The following GCNT2 variants were observed in gnomAD, a reference collection of about 807,000 sequenced individuals.
The protein encoded by GCNT2 is N-acetyllactosaminide beta-1,6-N-acetylglucosaminyl-transferase.
GCNT2 carries 34 observed loss-of-function variants against 34.2 expected under a neutral mutation model. That is an observed-to-expected ratio of 1.00 (90% CI 0.76 to 1.32). GCNT2 has a LOEUF of 1.32. Among genes scored for constraint, GCNT2 ranks in the 40% most tolerant of loss-of-function variants. The pLI is 0.00. For missense variants in GCNT2, 584 were observed against 489.4 expected (o/e 1.19, Z -1.82); for synonymous variants, 212 against 188.0 (o/e 1.13, Z -1.04).
chr6:10,582,406 AG>A (rs1187829158), intron 3 of GCNT2, among the ~76,000 whole-genome samples: 6 of 124,014 alleles, frequency 4.8e-5, no homozygotes, highest in African/African-American at 1.9e-4. Context: ...TATAATAAAT[AG>A]TATAATATTT....
At chr6:10,590,218 T>G (rs1764570529) in intron 3 of GCNT2, among the ~76,000 whole-genome samples, 1 of 152,040 alleles carries the variant, frequency 6.6e-6, no homozygotes, top group African/African-American at 2.4e-5. Flanking sequence ...GGCAACATAG[T>G]GAGATCCCTG....
At chr6:10,541,573 G>A (rs1762038364) in intron 3 of GCNT2, among the ~76,000 whole-genome samples, 2 of 152,122 alleles carry the variant, frequency 1.3e-5, no homozygotes, top group Non-Finnish European at 2.9e-5. Context: ...GTCTAGAAAA[G>A]TAAAATCATT....
chr6:10,538,619 C>T (rs1483391261), intron 3 of GCNT2, among the ~76,000 whole-genome samples: 1 of 151,386 alleles, frequency 6.6e-6, no homozygotes, highest in Non-Finnish European at 1.5e-5. Flanking sequence ...CAACTGAGGA[C>T]TGCTAATGAT....
chr6:10,546,183 C>G (rs1762255837), intron 3 of GCNT2, among the ~76,000 whole-genome samples: 1 of 152,130 alleles, frequency 6.6e-6, no homozygotes, highest in African/African-American at 2.4e-5. Context: ...AGGCAAAACC[C>G]AGGACAGTTG....
chr6:10,562,940 C>T (rs1424659666), intron 3 of GCNT2, among the ~76,000 whole-genome samples: 1 of 152,080 alleles, frequency 6.6e-6, no homozygotes, highest in Non-Finnish European at 1.5e-5. Context: ...GGGTGGATCA[C>T]CAGAAGTCGG....
At chr6:10,594,551 T>A (rs559696007) in intron 3 of GCNT2, among the ~76,000 whole-genome samples, 1 of 152,322 alleles carries the variant, frequency 6.6e-6, no homozygotes, top group East Asian at 1.9e-4. Context: ...GTAGTCACAA[T>A]AATGATGGCT....
chr6:10,600,016 A>C (rs1324764594), intron 3 of GCNT2, among the ~76,000 whole-genome samples: 2 of 152,196 alleles, frequency 1.3e-5, no homozygotes, highest in African/African-American at 4.8e-5. Context: ...AAAGTGGAGA[A>C]ACCAGGCACA....
chr6:10,526,985 AAGTT>A (rs1761222465), intron 1 of GCNT2, among the ~76,000 whole-genome samples: 1 of 152,186 alleles, frequency 6.6e-6, no homozygotes, highest in Non-Finnish European at 1.5e-5. Flanking sequence ...CATTTAATAA[AAGTT>A]AGAAGATACA....
chr6:10,556,145 G>C (rs557140535), intron 3 of GCNT2: 3 of 1,328,878 alleles, frequency 2.3e-6, no homozygotes, highest in Non-Finnish European at 2.9e-6. Flanking sequence ...AGATGCAAAC[G>C]GGGAGGCAGA....
In GCNT2 at chr6:10,529,223, C is replaced by T. The variant is rs780558447; in HGVS notation, c.312C>T (p.His104=). 32 of 1,614,196 alleles carry T rather than the reference C, an allele frequency of 2.0e-5. No homozygotes were observed. The highest frequency in any genetic ancestry group is 2.5e-5 in the Non-Finnish European group (30 of 1,180,010). The stretch of plus-strand genomic sequence containing the variant: ...CTTTAGCTTACACAGTGACCATCCA[C>T]AAAGACTTCGGCACTTTTGAGAGGC... The part of the protein sequence containing the change: ...GFPLAYTVTI[H]KDFGTFERLF... The change falls in exon 3 of 5, where the codon CAC becomes CAT. Residue 104 remains histidine (H), a synonymous_variant. Transcript: ENST00000495262.
intron 3 of GCNT2, among the ~76,000 whole-genome samples, chr6:10,620,199 C>T (rs1169172580): frequency 1.3e-5 from 2 of 152,138 alleles, no homozygotes; most frequent in East Asian, 3.8e-4. Context: ...CATTATTCTG[C>T]CTACCACAAT....
intron 3 of GCNT2, among the ~76,000 whole-genome samples, chr6:10,567,859 C>T (rs1210918095): frequency 6.6e-6 from 1 of 152,150 alleles, no homozygotes; most frequent in African/African-American, 2.4e-5. Context: ...TCAGCCGAAA[C>T]CTCAAGATAA....
intron 3 of GCNT2, chr6:10,556,477 T>G: frequency 6.2e-7 from 1 of 1,614,176 alleles, no homozygotes; most frequent in Non-Finnish European, 8.5e-7. Context: ...GTGTAATTAT[T>G]TTTATCGTCT....
chr6:10,585,805 C>A, intron 3 of GCNT2: 3 of 1,444,882 alleles, frequency 2.1e-6, no homozygotes, highest in Non-Finnish European at 1.8e-6. Flanking sequence ...CAGGCACATC[C>A]AAAAAGGATG....
intron 3 of GCNT2, 73 bp from the exon 4 acceptor site, chr6:10,621,277 AG>A: frequency 1.1e-6 from 1 of 931,162 alleles, no homozygotes; most frequent in Middle Eastern, 2.1e-4. Flanking sequence ...CCTGACTTAG[AG>A]GCTTAATTGA....
intron 3 of GCNT2, among the ~76,000 whole-genome samples, chr6:10,545,887 TA>T (rs1762244187): frequency 6.6e-6 from 1 of 152,160 alleles, no homozygotes; most frequent in Non-Finnish European, 1.5e-5. Flanking sequence ...TTACAATGGA[TA>T]GGTCACTGTT....
chr6:10,536,706 CTTT>C (rs553671576), intron 3 of GCNT2, among the ~76,000 whole-genome samples: 6 of 130,366 alleles, frequency 4.6e-5, no homozygotes, highest in Non-Finnish European at 1.7e-5. Flanking sequence ...CTGTGAGTTC[CTTT>C]TTTTTTTTTT....
intron 3 of GCNT2, among the ~76,000 whole-genome samples, chr6:10,591,926 T>TG (rs1764664280): frequency 6.6e-6 from 1 of 152,220 alleles, no homozygotes; most frequent in Non-Finnish European, 1.5e-5. Context: ...TGGGTGTGGC[T>TG]GAATCAGTCC....
chr6:10,612,366 G>A (rs1765595952), intron 3 of GCNT2, among the ~76,000 whole-genome samples: 1 of 152,104 alleles, frequency 6.6e-6, no homozygotes, highest in Non-Finnish European at 1.5e-5. Flanking sequence ...GGCAATGTCT[G>A]GAGAGATTTT....
Sources: allele counts gnomAD v4.1 joint callset (sites outside exome capture counted in the v4.1 genomes callset), GRCh38; gene constraint gnomAD v4.1.1; transcripts MANE v1.5; gene names NCBI Gene and HGNC (gene_info 2026-07-23, HGNC 2026-07-21).